DAB1: variants seen among roughly 807,000 people sequenced by gnomAD.
DAB1 encodes DAB adaptor protein 1.
DAB1 carries 15 observed loss-of-function variants against 64.6 expected under a neutral mutation model. The ratio of observed to expected loss-of-function variants is 0.23; its 90% CI spans 0.16 to 0.36. DAB1 has a LOEUF of 0.36. Ranked by LOEUF, DAB1 falls within the 10% of genes least tolerant of loss-of-function variation. The pLI is 1.00. For synonymous variants in DAB1, 235 were observed against 251.9 expected (o/e 0.93, Z 0.64); for missense variants, 596 against 706.7 (o/e 0.84, Z 1.78).
chr1:57,661,951 A>G (rs1304812560), intron 6 of DAB1, among the ~76,000 whole-genome samples: 1 of 152,068 alleles, frequency 6.6e-6, no homozygotes, highest in Non-Finnish European at 1.5e-5. Flanking sequence ...TGGCCTCAGG[A>G]ATAAAAGGAA....
intron 1 of DAB1, chr1:58,527,384 A>C: frequency 2.4e-6 from 2 of 841,164 alleles, no homozygotes; most frequent in South Asian, 2.7e-5. Flanking sequence ...TATTTCACGA[A>C]AAAAGGAGTA....
intron 1 of DAB1, among the ~76,000 whole-genome samples, chr1:57,311,469 G>A (rs2100733576): frequency 6.6e-6 from 1 of 152,008 alleles, no homozygotes; most frequent in East Asian, 1.9e-4. Context: ...ATCAAACTCT[G>A]TGTAGCTGAC....
At chr1:57,063,914 T>A (rs987744940) in intron 8 of DAB1, among the ~76,000 whole-genome samples, 54 of 152,204 alleles carry the variant, frequency 3.5e-4, no homozygotes, top group African/African-American at 1.0e-3. Flanking sequence ...TGTCACAGCT[T>A]AGCTCACACC....
chr1:58,261,961 T>G (rs1403231806), intron 4 of DAB1, among the ~76,000 whole-genome samples: 1 of 152,176 alleles, frequency 6.6e-6, no homozygotes, highest in African/African-American at 2.4e-5. Context: ...GTGAGTTGTT[T>G]GCAATCTCTA....
chr1:57,502,417 C>A (rs924543672), intron 7 of DAB1, among the ~76,000 whole-genome samples: 2 of 151,392 alleles, frequency 1.3e-5, no homozygotes, highest in African/African-American at 4.8e-5. Context: ...TGAAGCAGGG[C>A]GAATAAAGAA....
chr1:57,770,117 A>G (rs1333625083), intron 6 of DAB1, among the ~76,000 whole-genome samples: 1 of 152,166 alleles, frequency 6.6e-6, no homozygotes, highest in African/African-American at 2.4e-5. Context: ...AGATCAAGAA[A>G]AGCAGGATCA....
intron 5 of DAB1, among the ~76,000 whole-genome samples, chr1:58,051,969 A>C (rs1647701720): frequency 6.6e-6 from 1 of 152,164 alleles, no homozygotes; most frequent in Admixed American, 6.5e-5. Context: ...GGTAGATTGC[A>C]AAAATTTTCT....
At chr1:57,154,136 A>G (rs1421657234) in intron 2 of DAB1, among the ~76,000 whole-genome samples, 1 of 152,192 alleles carries the variant, frequency 6.6e-6, no homozygotes, top group Non-Finnish European at 1.5e-5. Context: ...GTGCTATCAA[A>G]TAGTAGAACT....
chr1:58,184,325 T>TAA (rs1656960416), intron 4 of DAB1, among the ~76,000 whole-genome samples: 1 of 149,160 alleles, frequency 6.7e-6, no homozygotes, highest in Admixed American at 6.7e-5. Context: ...AATATATATA[T>TAA]AATGCTCTTT....
intron 3 of DAB1, among the ~76,000 whole-genome samples, chr1:58,441,058 C>T (rs706434): frequency 0.52 from 78,845 of 151,958 alleles, 20,674 homozygotes; most frequent in South Asian, 0.71. Flanking sequence ...ATCTGTCGGT[C>T]GTTGGTTCAA....
intron 5 of DAB1, among the ~76,000 whole-genome samples, chr1:58,150,129 T>A (rs950390175): frequency 6.6e-6 from 1 of 152,124 alleles, no homozygotes; most frequent in African/African-American, 2.4e-5. Context: ...ATTGTACAGA[T>A]AAAGGAAGAA....
intron 2 of DAB1, among the ~76,000 whole-genome samples, chr1:57,180,007 C>T (rs1221177906): frequency 1.3e-5 from 2 of 152,134 alleles, no homozygotes; most frequent in South Asian, 2.1e-4. Flanking sequence ...AAAATAAAGG[C>T]TACCCTGCAA....
At chr1:58,045,174 T>A (rs1196290414) in intron 5 of DAB1, among the ~76,000 whole-genome samples, 2 of 152,176 alleles carry the variant, frequency 1.3e-5, no homozygotes, top group African/African-American at 4.8e-5. Flanking sequence ...AACCCTATCC[T>A]GCAGGCCGGC....
chr1:58,295,403 T>C (rs1311303050), intron 4 of DAB1, among the ~76,000 whole-genome samples: 1 of 152,164 alleles, frequency 6.6e-6, no homozygotes, highest in Non-Finnish European at 1.5e-5. Context: ...CCTCGTTCCA[T>C]GGGAGTGGAG....
intron 8 of DAB1, among the ~76,000 whole-genome samples, chr1:57,068,996 C>T (rs929961025): frequency 3.3e-5 from 5 of 152,076 alleles, no homozygotes; most frequent in East Asian, 1.9e-4. Flanking sequence ...TTTTCAGTAG[C>T]GGAGTTGGCT....
chr1:57,480,022 C>A (rs972196687), intron 7 of DAB1, among the ~76,000 whole-genome samples: 1 of 151,468 alleles, frequency 6.6e-6, no homozygotes, highest in South Asian at 2.1e-4. Context: ...CATGGTGGCG[C>A]GCGCCTGTAG....
chr1:57,327,550 C>G (rs1676276146), intron 1 of DAB1, among the ~76,000 whole-genome samples: 1 of 152,060 alleles, frequency 6.6e-6, no homozygotes, highest in South Asian at 2.1e-4. Context: ...AACCAATCAC[C>G]CCAAAATGGT....
At chr1:57,963,871 A>G (rs931726711) in intron 5 of DAB1, among the ~76,000 whole-genome samples, 1 of 152,224 alleles carries the variant, frequency 6.6e-6, no homozygotes, top group Admixed American at 6.5e-5. Flanking sequence ...TATAAGCTGT[A>G]TTGACAGCAA....
intron 6 of DAB1, among the ~76,000 whole-genome samples, chr1:57,785,678 A>G (rs1650305090): frequency 6.6e-6 from 1 of 152,220 alleles, no homozygotes; most frequent in Non-Finnish European, 1.5e-5. Context: ...GATAAAACTA[A>G]CAGATAAGGA....
Sources: gnomAD v4.1 joint callset for allele counts (sites outside exome capture counted in the v4.1 genomes callset) on GRCh38, gnomAD v4.1.1 for gene constraint, MANE v1.5 for transcripts, NCBI Gene and HGNC (gene_info 2026-07-23, HGNC 2026-07-21) for gene names.